Variants in RYR1 observed in about 807,000 individuals in gnomAD.
RYR1 encodes central core disease of muscle.
A neutral mutation model predicts 583.5 loss-of-function variants in RYR1; 342 were observed. The observed-to-expected ratio is 0.59, with a 90% CI of 0.54 to 0.64. The LOEUF is 0.64. Ranked by LOEUF, RYR1 falls within the 30% of genes least tolerant of loss-of-function variation. RYR1 has a pLI of 0.00. For synonymous variants in RYR1, 2,791 were observed against 2,822.5 expected (o/e 0.99, Z 0.35); for missense variants, 6,032 against 6,917.2 (o/e 0.87, Z 4.54).
chr19:38,569,058 T>C (rs1280442057), intron 93 of RYR1, among the ~76,000 whole-genome samples: 1 of 151,964 alleles, frequency 6.6e-6, no homozygotes, highest in Non-Finnish European at 1.5e-5. Context: ...TTGCCCAGGT[T>C]GGAGTGCAGT....
At chr19:38,434,822 C>A (rs1217691429) in intron 1 of RYR1, among the ~76,000 whole-genome samples, 2 of 152,164 alleles carry the variant, frequency 1.3e-5, no homozygotes, top group Non-Finnish European at 2.9e-5. Flanking sequence ...TGACCAGACG[C>A]TAGCCCCGCC....
At chr19:38,505,443 C>T (rs759683616) in intron 53 of RYR1, 45 bp downstream of exon 53, 9 of 1,388,076 alleles carry the variant, frequency 6.5e-6, no homozygotes, top group Non-Finnish European at 9.1e-6. Context: ...AAATGAAACC[C>T]CCAAATTTGA....
intron 37 of RYR1, among the ~76,000 whole-genome samples, 198 bp from the exon 38 acceptor site, chr19:38,492,292 G>T (rs1969582707): frequency 6.6e-6 from 1 of 151,306 alleles, no homozygotes; most frequent in Non-Finnish European, 1.5e-5. Context: ...TTGAGCCTAG[G>T]AGGCAGAGGT....
rs565062738 is a variant in RYR1, at chr19:38,509,065, C to T, written c.8932+1238C>T. Among the ~76,000 whole-genome samples, 6 of 152,038 alleles carry T rather than the reference C, an allele frequency of 3.9e-5. No homozygotes were observed. The East Asian group carries it at 1.2e-3, about 29-fold the overall frequency. ...CCCTTAGAGACCCCCCCCAGCATTC[C>T]CCTTGAGAGCTACCCTCAGGAACCC... On this transcript the variant is annotated intron_variant, in intron 58 of 105. Coordinates refer to ENST00000359596, the MANE Select transcript of RYR1 (RefSeq NM_000540.3).
chr19:38,536,767 G>C lies in RYR1; in HGVS notation c.11608G>C (p.Gly3870Arg). ...EDGTVINRQN[G>R]EKVMADDEFT... ...TGCCCCAGTCATCAATCGCCAGAAC[G>C]GTAATTCCCCCAGCCCACCCCCGTG... Residue 3870 changes from glycine to arginine, a missense_variant and splice_region_variant, in exon 83 of 106, where the codon GGA (glycine) becomes CGA (arginine). Around this residue, in one of 11 missense-constraint regions of RYR1, gnomAD observed 1,493 missense variants for 1,715.5 expected, o/e 0.87. Coordinates refer to ENST00000359596, the MANE Select transcript of RYR1 (RefSeq NM_000540.3). 6.2e-7 allele frequency: 1 copy of C among 1,613,694 alleles called. No homozygotes were observed.
chr19:38,503,079 C>G, intron 49 of RYR1, 109 bp downstream of exon 49: 1 of 1,041,434 alleles, frequency 9.6e-7, no homozygotes. Flanking sequence ...CCCAATAAAC[C>G]TGCACTAGTT....
At chr19:38,533,923 G>C (rs984623145) in intron 78 of RYR1, among the ~76,000 whole-genome samples, 1 of 151,792 alleles carries the variant, frequency 6.6e-6, no homozygotes, top group African/African-American at 2.4e-5. Flanking sequence ...AGCAGAATTT[G>C]AATAGGAAAT....
chr19:38,502,599 T>A lies in RYR1; in HGVS notation c.7707T>A (p.Phe2569Leu). ...TCATCACCAAGTGTGCGCCGCTCTT[T>A]GCGGGCACAGAACACCGCGCCATCA... Reference protein sequence around the residue: ...LPLITKCAPLFAGTEHRAIMV... With the variant: ...LPLITKCAPLLAGTEHRAIMV... The change falls in exon 48 of 106, where the codon TTT (phenylalanine) becomes TTA (leucine). Residue 2569 changes from phenylalanine to leucine, a missense_variant. Around this residue, in one of 11 missense-constraint regions of RYR1, gnomAD observed 250 missense variants for 162.3 expected, o/e 1.54. Transcript: ENST00000359596. The A allele has an allele frequency of 6.2e-7, 1 of 1,612,662 alleles. No individual in the cohort carries two copies. Among genetic ancestry groups the A allele is most frequent in the Middle Eastern group, 1.6e-4 (1 of 6,062 alleles).
At chr19:38,454,964 A>T (rs1967286100) in intron 13 of RYR1, among the ~76,000 whole-genome samples, 2 of 151,974 alleles carry the variant, frequency 1.3e-5, no homozygotes, top group Non-Finnish European at 2.9e-5. Context: ...GGAAGTATAA[A>T]CTCAGTCCTG....
rs759290227 is a variant in RYR1 at position 38,517,615 on chromosome 19, C to T, written c.9942C>T (p.Ser3314=). 2 of 1,614,224 alleles carry T rather than the reference C, an allele frequency of 1.2e-6. No individual in the cohort carries two copies. Among genetic ancestry groups the T allele is most frequent in the South Asian group, 1.1e-5 (1 of 91,086 alleles). ...CTGTCACCTCTGACCACCTCAACTC[C>T]CTGCTGGGGAATATCCTGAGAATCA... ...CTAVTSDHLN[S]LLGNILRIIV... Residue 3314 remains serine, a synonymous_variant, in exon 66 of 106, where the codon TCC becomes TCT. Coordinates refer to ENST00000359596, the MANE Select transcript of RYR1 (RefSeq NM_000540.3).
chr19:38,448,560 G>A, intron 10 of RYR1, 49 bp downstream of exon 10: 1 of 1,614,076 alleles, frequency 6.2e-7, no homozygotes, highest in Non-Finnish European at 8.5e-7. Context: ...CCCAGTCCCA[G>A]CCCAGCCTGC....
rs866533672 is a variant in RYR1 at position 38,473,671 on chromosome 19, G to A, written c.4060G>A (p.Glu1354Lys). The change falls in exon 28 of 106, where the codon GAG becomes AAG. Residue 1354 changes from glutamate (E) to lysine (K), a missense_variant. This residue lies in a region of RYR1 where 2,627 missense variants were observed against 2,961.3 expected (regional missense o/e 0.89). Transcript: ENST00000359596. Reference sequence around the variant, plus strand: ...GAACGGCAAAGAAGGGACTGCGAAGGAGGGCGCCCCCGGGGGCACCCCGCA... The same window carrying A: ...GAACGGCAAAGAAGGGACTGCGAAGAAGGGCGCCCCCGGGGGCACCCCGCA... The part of the protein sequence containing the change: ...AENGKEGTAK[E>K]GAPGGTPQAG... 6.4e-7 allele frequency: 1 copy of A among 1,552,076 alleles called. No individual in the cohort carries two copies. Among genetic ancestry groups the A allele is most frequent in the Non-Finnish European group, 8.7e-7 (1 of 1,147,866 alleles).
intron 89 of RYR1, among the ~76,000 whole-genome samples, chr19:38,554,616 T>TTTTA (rs1051086596): frequency 8.6e-5 from 13 of 151,826 alleles, no homozygotes; most frequent in Non-Finnish European, 1.6e-4. Flanking sequence ...TGAAATCACA[T>TTTTA]TTTATTTATT....
At chr19:38,439,647 C>T (rs1972581470) in intron 1 of RYR1, among the ~76,000 whole-genome samples, 1 of 152,014 alleles carries the variant, frequency 6.6e-6, no homozygotes, top group Non-Finnish European at 1.5e-5. Flanking sequence ...GCTGGAACTA[C>T]AGGCGTGCAC....
intron 38 of RYR1, 47 bp downstream of exon 38, chr19:38,492,683 C>A (rs1170960157): frequency 6.4e-7 from 1 of 1,564,882 alleles, no homozygotes; most frequent in Non-Finnish European, 8.7e-7. Context: ...GGGTGGGTAG[C>A]CCCATGCCTG....
At position 38,444,899 on chromosome 19, in the gene RYR1, A is replaced by G. The variant is rs903304248; in HGVS notation, c.631+222A>G. On this transcript the variant is annotated intron_variant, in intron 7 of 105. Coordinates refer to ENST00000359596, the MANE Select transcript of RYR1 (RefSeq NM_000540.3). This position sits in a 1 kb window ranked among gnomAD's most constrained non-coding sequence, Gnocchi z 5.1. ...CTAAATATCAGGCTCCCAAACTTAG[A>G]CCCCAAAGTATTAGCCCCCAAGGCT... Among the ~76,000 whole-genome samples, 1 of 149,984 alleles carries G rather than the reference A, an allele frequency of 6.7e-6. No individual in the cohort carries two copies. Among genetic ancestry groups the G allele is most frequent in the Non-Finnish European group, 1.5e-5 (1 of 67,518 alleles).
chr19:38,575,613 G>A (rs1024561898), intron 96 of RYR1, among the ~76,000 whole-genome samples: 3 of 152,124 alleles, frequency 2.0e-5, no homozygotes, highest in African/African-American at 7.2e-5. Context: ...GAACAGCCTG[G>A]CCAACATGGC....
chr19:38,577,782 G>A, intron 97 of RYR1, 136 bp from the exon 98 acceptor site: 1 of 1,150,112 alleles, frequency 8.7e-7, no homozygotes, highest in Non-Finnish European at 1.2e-6. Context: ...GGTGACAGAG[G>A]GAGACTGTCT....
intron 54 of RYR1, 62 bp downstream of exon 54, chr19:38,506,008 C>A: frequency 1.3e-6 from 2 of 1,589,088 alleles, no homozygotes. Context: ...GAACAAGGGG[C>A]ATGGCCAGAC....
Sources: allele counts gnomAD v4.1 joint callset (sites outside exome capture counted in the v4.1 genomes callset), GRCh38; gene constraint gnomAD v4.1.1; regional missense constraint gnomAD v4.1.1; non-coding constraint Gnocchi (gnomAD v3.1); transcripts MANE v1.5; gene names NCBI Gene and HGNC (gene_info 2026-07-23, HGNC 2026-07-21).